DPP6: variants seen among roughly 807,000 people sequenced by gnomAD.
DPP6 encodes A-type potassium channel modulatory protein DPP6.
In DPP6, 69 loss-of-function variants were observed where a neutral mutation model predicts 122.6. That is an observed-to-expected ratio of 0.56 (90% CI 0.46 to 0.69). DPP6 has a LOEUF of 0.69. Ranked by LOEUF, DPP6 falls within the 30% of genes least tolerant of loss-of-function variation. The pLI, the probability that DPP6 is intolerant of heterozygous loss-of-function variation, is 0.00. For missense variants in DPP6, 928 were observed against 1,116.9 expected (o/e 0.83, Z 2.41); for synonymous variants, 418 against 433.1 (o/e 0.97, Z 0.43).
chr7:154,077,706 C>G (rs1803667631), intron 1 of DPP6, among the ~76,000 whole-genome samples: 1 of 149,808 alleles, frequency 6.7e-6, no homozygotes, highest in Non-Finnish European at 1.5e-5. Context: ...GAGTCTCACT[C>G]TGTCACCAGG....
intron 1 of DPP6, among the ~76,000 whole-genome samples, chr7:154,273,743 G>C (rs773208449): frequency 1.3e-5 from 2 of 152,200 alleles, no homozygotes; most frequent in African/African-American, 2.4e-5. Flanking sequence ...TTATTCCTTA[G>C]AATGAGTTTC....
In DPP6 at chr7:154,497,070, G is replaced by T. The variant is rs528951314; in HGVS notation, c.457+22033G>T. Among the ~76,000 whole-genome samples the T allele has an allele frequency of 7.2e-3, 1,101 of 152,180 alleles. 14 individuals carry two copies. The highest frequency in any genetic ancestry group is 0.025 in the African/African-American group (1,034 of 41,518). On this transcript the variant is annotated intron_variant, in intron 3 of 25. Coordinates refer to ENST00000377770, the MANE Select transcript of DPP6 (RefSeq NM_130797.4). The stretch of plus-strand genomic sequence containing the variant: ...AAGCAAACTCCCTCCCTCCCCCCAT[G>T]AACCATTGTAGGTTAAAATAGCCCA...
chr7:154,087,596 TCTC>T (rs1804517235), intron 1 of DPP6, among the ~76,000 whole-genome samples: 1 of 152,170 alleles, frequency 6.6e-6, no homozygotes, highest in African/African-American at 2.4e-5. Context: ...TGATTGTTCT[TCTC>T]TGGTGTTTCT....
At chr7:153,803,719 G>T in the DPP6 span, among the ~76,000 whole-genome samples, 1 of 150,716 alleles carries the variant, frequency 6.6e-6, no homozygotes, top group East Asian at 1.9e-4. Context: ...ATATCTCTTA[G>T]ATATACAATA....
chr7:153,877,007 C>A, the DPP6 span, among the ~76,000 whole-genome samples: 1 of 152,044 alleles, frequency 6.6e-6, no homozygotes, highest in Admixed American at 6.5e-5. Context: ...CTGAGTGAGT[C>A]TGGGAGTGAG....
intron 1 of DPP6, among the ~76,000 whole-genome samples, chr7:154,267,373 A>AT (rs934603576): frequency 2.9e-5 from 4 of 137,648 alleles, no homozygotes; most frequent in East Asian, 2.1e-4. Flanking sequence ...AACAAATTAT[A>AT]TATATATTTA....
chr7:154,452,984 A>G (rs11771766), intron 2 of DPP6, among the ~76,000 whole-genome samples: 56,470 of 152,048 alleles, frequency 0.37, 11,280 homozygotes, highest in Non-Finnish European at 0.44. Context: ...TTGGAATAAT[A>G]GGCTCAACGT....
chr7:154,341,826 G>A (rs1489996537), intron 1 of DPP6, among the ~76,000 whole-genome samples: 1 of 151,936 alleles, frequency 6.6e-6, no homozygotes, highest in Non-Finnish European at 1.5e-5. Context: ...CTCCTATAAT[G>A]ACGCAAGAAG....
rs201681101 is a variant in DPP6 at position 154,180,513 on chromosome 7, TATATAA to T, written c.243+127456_243+127461del. The stretch of plus-strand genomic sequence containing the variant: ...ATAGATATAGATATATAAATAAATA[TATATAA>T]ATATATAGAGAGTATATATATGTTT... On this transcript the variant is annotated intron_variant, in intron 1 of 25. Transcript: ENST00000377770. 3.8e-3 allele frequency among the ~76,000 whole-genome samples: 546 copies of T among 142,268 alleles called. 1 individual carries two copies. Among genetic ancestry groups the T allele is most frequent in the African/African-American group, 0.014 (522 of 37,062 alleles). The allele number at this position is 142,268 out of a possible 152,430, so 93.3% of individuals were successfully genotyped here. A position where few individuals can be genotyped will look rare whatever the true frequency, so the allele number is the denominator to read the frequency against.
At chr7:154,333,359 C>G (rs917989743) in intron 1 of DPP6, among the ~76,000 whole-genome samples, 2 of 151,964 alleles carry the variant, frequency 1.3e-5, no homozygotes, top group African/African-American at 4.8e-5. Context: ...TGAAAATGTT[C>G]CCAATTTTAG....
chr7:153,789,682 C>A, the DPP6 span, among the ~76,000 whole-genome samples: 1 of 152,068 alleles, frequency 6.6e-6, no homozygotes, highest in Non-Finnish European at 1.5e-5. Context: ...AGATATCACA[C>A]CTTAGAAAAT....
intron 3 of DPP6, among the ~76,000 whole-genome samples, chr7:154,534,551 C>T (rs2130163172): frequency 6.6e-6 from 1 of 151,606 alleles, no homozygotes; most frequent in African/African-American, 2.4e-5. Flanking sequence ...GACACAAAAT[C>T]AATAGACAAA....
intron 16 of DPP6, among the ~76,000 whole-genome samples, chr7:154,829,209 C>T (rs576169982): frequency 6.3e-5 from 6 of 95,606 alleles, no homozygotes; most frequent in Non-Finnish European, 1.6e-4. Context: ...ATGGCAAAAC[C>T]ATGTCTCTAC....
chr7:154,074,597 T>G (rs1448407969), intron 1 of DPP6, among the ~76,000 whole-genome samples: 1 of 152,176 alleles, frequency 6.6e-6, no homozygotes, highest in Non-Finnish European at 1.5e-5. Flanking sequence ...GAAGTAACGT[T>G]TATAGGTCTC....
intron 1 of DPP6, among the ~76,000 whole-genome samples, chr7:154,016,291 G>A (rs1379276062): frequency 1.3e-5 from 2 of 152,098 alleles, no homozygotes; most frequent in African/African-American, 4.8e-5. Context: ...CCCCCTTAGA[G>A]AAGGACATTG....
At chr7:154,380,124 G>T (rs146759499) in intron 1 of DPP6, among the ~76,000 whole-genome samples, 62 of 152,266 alleles carry the variant, frequency 4.1e-4, no homozygotes, top group African/African-American at 1.4e-3. Context: ...AACCTTAATT[G>T]TTTCATTGAT....
intron 5 of DPP6, among the ~76,000 whole-genome samples, chr7:154,619,531 C>T (rs1215464014): frequency 6.6e-6 from 1 of 152,204 alleles, no homozygotes; most frequent in Non-Finnish European, 1.5e-5. Context: ...CTATATTACA[C>T]AGCCAGGGAG....
At chr7:154,019,395 T>C (rs1798590371) in intron 1 of DPP6, among the ~76,000 whole-genome samples, 1 of 152,024 alleles carries the variant, frequency 6.6e-6, no homozygotes, top group African/African-American at 2.4e-5. Context: ...TCTTTCTTTC[T>C]CCCTTCCTTC....
At chr7:153,945,673 T>C (rs1046533938) in intron 1 of DPP6, among the ~76,000 whole-genome samples, 6 of 152,210 alleles carry the variant, frequency 3.9e-5, no homozygotes, top group African/African-American at 1.4e-4. Flanking sequence ...GTCTTATTCA[T>C]GTGGATAAAA....
Sources: gnomAD v4.1 joint callset for allele counts (sites outside exome capture counted in the v4.1 genomes callset) on GRCh38, gnomAD v4.1.1 for gene constraint, MANE v1.5 for transcripts, NCBI Gene and HGNC (gene_info 2026-07-23, HGNC 2026-07-21) for gene names.